The following WNT3A variants were observed in gnomAD, a reference collection of about 807,000 sequenced individuals.
The protein encoded by WNT3A is Wnt family member 3A.
WNT3A carries 17 observed loss-of-function variants against 37.0 expected under a neutral mutation model. That is an observed-to-expected ratio of 0.46 (90% confidence interval 0.31 to 0.69). WNT3A has a LOEUF of 0.69. Ranked by LOEUF, WNT3A falls within the 30% of genes least tolerant of loss-of-function variation. The pLI, the probability that WNT3A is intolerant of heterozygous loss-of-function variation, is 0.05. For missense variants in WNT3A, 411 were observed against 510.2 expected, an observed-to-expected ratio of 0.81 and a Z score of 1.87; for synonymous variants, 187 against 211.0, an observed-to-expected ratio of 0.89 and a Z score of 0.99.
At chr1:228,022,995 A>G in intron 2 of WNT3A, 87 bp downstream of exon 2, 2 of 1,525,308 alleles carry the variant, frequency 1.3e-6, no homozygotes, top group South Asian at 1.3e-5. Context: ...TCATCTGTGC[A>G]CACGGTGGGA....
In WNT3A at chr1:228,059,384, G is replaced by A. The variant is rs1379248285; in HGVS notation, c.978G>A (p.Lys326=). 1 of 1,559,138 alleles carries A rather than the reference G, an allele frequency of 6.4e-7. No homozygotes were observed. Among genetic ancestry groups the A allele is most frequent in the Non-Finnish European group, 8.6e-7 (1 of 1,156,710 alleles). Reference sequence around the variant, plus strand: ...CGCGAGCGGAGCGGCGCCGGGAGAAGTGCCGCTGCGTGTTCCACTGGTGCT... The same window carrying A: ...CGCGAGCGGAGCGGCGCCGGGAGAAATGCCGCTGCGTGTTCCACTGGTGCT... ...HNARAERRRE[K]CRCVFHWCCY... Residue 326 remains lysine (K), a synonymous_variant, in exon 4 of 4, where the codon AAG becomes AAA. Transcript: ENST00000284523.
chr1:228,033,635 G>A (rs1400018112), intron 2 of WNT3A, among the ~76,000 whole-genome samples: 1 of 152,090 alleles, frequency 6.6e-6, no homozygotes, highest in Non-Finnish European at 1.5e-5. Context: ...AGGTTATTTT[G>A]GCTATTTGGA....
chr1:228,043,084 G>A (rs1162652602), intron 2 of WNT3A, among the ~76,000 whole-genome samples: 1 of 152,106 alleles, frequency 6.6e-6, no homozygotes, highest in Admixed American at 6.5e-5. Context: ...TGTGGATGAC[G>A]GATGGATGAA....
At chr1:228,047,233 C>CTA (rs2031442201) in intron 2 of WNT3A, among the ~76,000 whole-genome samples, 1 of 152,130 alleles carries the variant, frequency 6.6e-6, no homozygotes, top group African/African-American at 2.4e-5. Flanking sequence ...GGACAGGGCC[C>CTA]TAGGGAGGGA....
At chr1:228,056,825 CT>C (rs2031691238) in intron 3 of WNT3A, among the ~76,000 whole-genome samples, 1 of 152,222 alleles carries the variant, frequency 6.6e-6, no homozygotes, top group African/African-American at 2.4e-5. Flanking sequence ...TAGTACCAGA[CT>C]TTTCGGGAGC....
intron 2 of WNT3A, among the ~76,000 whole-genome samples, chr1:228,032,014 G>A (rs923009345): frequency 1.3e-5 from 2 of 152,166 alleles, no homozygotes; most frequent in Admixed American, 6.5e-5. Flanking sequence ...TGGGGTCAGA[G>A]GGGAACATGC....
intron 2 of WNT3A, among the ~76,000 whole-genome samples, chr1:228,035,633 T>C (rs2031118921): frequency 6.6e-6 from 1 of 152,208 alleles, no homozygotes; most frequent in Admixed American, 6.5e-5. Flanking sequence ...AATGGGGCTC[T>C]TGGATTAATG....
At position 228,039,022 on chromosome 1, in the gene WNT3A, C is replaced by G. The variant is rs1278005819; in HGVS notation, c.314-11634C>G. Among the ~76,000 whole-genome samples, 1 of 152,088 alleles carries G rather than the reference C, an allele frequency of 6.6e-6. No homozygotes were observed. The highest frequency in any genetic ancestry group is 1.5e-5 in the Non-Finnish European group (1 of 67,986). On this transcript the variant is annotated intron_variant, in intron 2 of 3. Coordinates refer to ENST00000284523, the MANE Select transcript of WNT3A (RefSeq NM_033131.4). The surrounding 1 kb of genome is among the most constrained non-coding windows in gnomAD (Gnocchi z 4.1). ...AGTGGGCAATGTTGGGAGTCTGGGC[C>G]CCCAGCACCCGGCTGGACTGGCCAC...
At chr1:228,019,851 A>C (rs1465075801) in intron 1 of WNT3A, among the ~76,000 whole-genome samples, 7 of 152,278 alleles carry the variant, frequency 4.6e-5, no homozygotes, top group Non-Finnish European at 8.8e-5. Flanking sequence ...GTCACACCAT[A>C]GAATGGGTGA....
At chr1:228,032,899 G>T (rs144655466) in intron 2 of WNT3A, among the ~76,000 whole-genome samples, 556 of 152,258 alleles carry the variant, frequency 3.7e-3, no homozygotes, top group Non-Finnish European at 6.8e-3. Flanking sequence ...TCTCACTGAG[G>T]TTTTCATTTG....
chr1:228,041,310 C>T (rs1485684349), intron 2 of WNT3A, among the ~76,000 whole-genome samples: 3 of 152,094 alleles, frequency 2.0e-5, no homozygotes, highest in African/African-American at 7.2e-5. Flanking sequence ...CCTGGCAGCT[C>T]TTCTGCCTTT....
At chr1:228,010,702 G>A (rs934704895) in intron 1 of WNT3A, among the ~76,000 whole-genome samples, 3 of 152,230 alleles carry the variant, frequency 2.0e-5, no homozygotes, top group Non-Finnish European at 4.4e-5. Context: ...TTGTCCCAGC[G>A]AAGTGCAGTG....
At chr1:228,034,994 A>G (rs988709956) in intron 2 of WNT3A, among the ~76,000 whole-genome samples, 6 of 152,232 alleles carry the variant, frequency 3.9e-5, no homozygotes, top group African/African-American at 1.4e-4. Flanking sequence ...ACAGGTATAC[A>G]TGTGGCGCAA....
chr1:228,028,451 G>A (rs1199274466), intron 2 of WNT3A, among the ~76,000 whole-genome samples: 1 of 151,904 alleles, frequency 6.6e-6, no homozygotes, highest in African/African-American at 2.4e-5. Context: ...ACAGGCATGT[G>A]CCACAATACC....
Position 228,055,180 on chromosome 1 carries a change from ATATATATATATATATATATATATATAT to A in WNT3A, c.580-3805_580-3779del, listed in dbSNP as rs1282034481. 2.2e-3 allele frequency among the ~76,000 whole-genome samples: 33 copies of A among 14,794 alleles called. 2 individuals carry two copies. Among genetic ancestry groups the A allele is most frequent in the Admixed American group, 7.2e-3 (7 of 970 alleles). 9.7% of individuals were successfully genotyped at this position (14,794 alleles called of 152,430 possible). On this transcript the variant is annotated intron_variant, in intron 3 of 3. Coordinates refer to ENST00000284523, the MANE Select transcript of WNT3A (RefSeq NM_033131.4). ...TCCCAAAAAAAAAAAAAAAAAAAAA[ATATATATATATATATATATATATATAT>A]ATATATATATATACACACACACAAT...
In WNT3A at chr1:228,008,331, AG is replaced by A. The variant is rs894592940; in HGVS notation, c.71+1138del. Among the ~76,000 whole-genome samples, 1 of 152,184 alleles carries A rather than the reference AG, an allele frequency of 6.6e-6. No individual in the cohort carries two copies. Among genetic ancestry groups the A allele is most frequent in the African/African-American group, 2.4e-5 (1 of 41,464 alleles). Reference sequence around the variant, plus strand: ...AATTATAATAATTACGCCGAGGGGAAGGGGGGAGACCCAGCGAGCCGAGGTA... The same window carrying A: ...AATTATAATAATTACGCCGAGGGGAAGGGGGAGACCCAGCGAGCCGAGGTA... On this transcript the variant is annotated intron_variant, in intron 1 of 3. Transcript: ENST00000284523. This position sits in a 1 kb window ranked among gnomAD's most constrained non-coding sequence, Gnocchi z 4.9.
chr1:228,016,064 T>G (rs866845631), intron 1 of WNT3A, among the ~76,000 whole-genome samples: 45 of 152,272 alleles, frequency 3.0e-4, no homozygotes, highest in Middle Eastern at 3.4e-3. Flanking sequence ...GTCCCCCGCA[T>G]GTGCTTTAAG....
intron 2 of WNT3A, among the ~76,000 whole-genome samples, chr1:228,040,888 A>G (rs2031266722): frequency 6.8e-6 from 1 of 146,024 alleles, no homozygotes; most frequent in Non-Finnish European, 1.5e-5. Flanking sequence ...TCTATCTCAA[A>G]AAAAAAAAAA....
At chr1:228,036,260 T>TTG (rs988533170) in intron 2 of WNT3A, among the ~76,000 whole-genome samples, 2 of 152,142 alleles carry the variant, frequency 1.3e-5, no homozygotes, top group Non-Finnish European at 1.5e-5. Context: ...GCCCAGCCTC[T>TTG]TGTGTGTGTG....
Sources: gnomAD v4.1 joint callset for allele counts (sites outside exome capture counted in the v4.1 genomes callset) on GRCh38, gnomAD v4.1.1 for gene constraint, Gnocchi (gnomAD v3.1) non-coding constraint, MANE v1.5 for transcripts, NCBI Gene and HGNC (gene_info 2026-07-23, HGNC 2026-07-21) for gene names.